KCNK10: variants seen among roughly 807,000 people sequenced by gnomAD.
KCNK10 encodes the protein potassium two pore domain channel subfamily K member 10, also known as potassium channel subfamily K member 10.
In KCNK10, 25 loss-of-function variants were observed where a neutral mutation model predicts 47.7. The ratio of observed to expected loss-of-function variants is 0.52; its 90% CI spans 0.38 to 0.73. The LOEUF (loss-of-function observed/expected upper bound fraction) is 0.73. KCNK10 is among the 30% of genes least tolerant of loss of function. KCNK10 has a pLI of 0.00. For synonymous variants in KCNK10, 303 were observed against 285.6 expected (o/e 1.06, Z -0.61); for missense variants, 563 against 714.5 (o/e 0.79, Z 2.42).
At chr14:88,273,747 A>G (rs1053713697) in intron 1 of KCNK10, among the ~76,000 whole-genome samples, 4 of 152,178 alleles carry the variant, frequency 2.6e-5, no homozygotes, top group Non-Finnish European at 5.9e-5. Context: ...GCACACAGCC[A>G]CAGCTGGGGT....
chr14:88,287,238 G>A (rs1887781580), intron 1 of KCNK10, among the ~76,000 whole-genome samples: 2 of 152,190 alleles, frequency 1.3e-5, no homozygotes, highest in Non-Finnish European at 2.9e-5. Flanking sequence ...GAAGCAGCTA[G>A]CATAGTGTTT....
intron 1 of KCNK10, among the ~76,000 whole-genome samples, chr14:88,319,402 T>C (rs1239739302): frequency 6.6e-6 from 1 of 152,174 alleles, no homozygotes; most frequent in African/African-American, 2.4e-5. Context: ...GTCCAAGTAA[T>C]GTGAACTGTC....
chr14:88,295,063 A>G (rs1887959466), intron 1 of KCNK10, among the ~76,000 whole-genome samples: 1 of 152,248 alleles, frequency 6.6e-6, no homozygotes, highest in African/African-American at 2.4e-5. Flanking sequence ...CCAAACAAGT[A>G]TTTAAGTACC....
chr14:88,321,888 C>A (rs1888554074), intron 1 of KCNK10, among the ~76,000 whole-genome samples: 1 of 152,236 alleles, frequency 6.6e-6, no homozygotes, highest in African/African-American at 2.4e-5. Flanking sequence ...CTTGTCACAA[C>A]TGGACACGCG....
chr14:88,307,960 G>A (rs1412338669), intron 1 of KCNK10, among the ~76,000 whole-genome samples: 3 of 152,082 alleles, frequency 2.0e-5, no homozygotes, highest in Admixed American at 6.5e-5. Context: ...TCCCTAGGGA[G>A]CAGGTACTTT....
chr14:88,212,285 A>G (rs1885487593), intron 4 of KCNK10, among the ~76,000 whole-genome samples: 1 of 151,836 alleles, frequency 6.6e-6, no homozygotes, highest in South Asian at 2.1e-4. Flanking sequence ...TACTAAAAAT[A>G]CAGAATTAGC....
intron 2 of KCNK10, among the ~76,000 whole-genome samples, chr14:88,244,599 T>C (rs55814143): frequency 0.2 from 30,922 of 151,034 alleles, 3,465 homozygotes; most frequent in East Asian, 0.41. Context: ...ACCTGGGAGG[T>C]GGAGCTTGCA....
chr14:88,268,026 G>GGATTTTATTAGGGGGAAC (rs1887310742), intron 1 of KCNK10, among the ~76,000 whole-genome samples: 1 of 152,160 alleles, frequency 6.6e-6, no homozygotes, highest in African/African-American at 2.4e-5. Flanking sequence ...AAATGTGCAT[G>GGATTTTATTAGGGGGAAC]GATTTTATTA....
chr14:88,313,582 A>G (rs1888370571), intron 1 of KCNK10, among the ~76,000 whole-genome samples: 1 of 152,106 alleles, frequency 6.6e-6, no homozygotes, highest in Non-Finnish European at 1.5e-5. Context: ...CCTCTCCCCA[A>G]CAACCAGCAG....
At chr14:88,220,404 G>A (rs1313087492) in intron 4 of KCNK10, among the ~76,000 whole-genome samples, 2 of 94,816 alleles carry the variant, frequency 2.1e-5, no homozygotes, top group South Asian at 4.3e-4. Context: ...GCGACAGAGC[G>A]AGACTCCGTC....
chr14:88,244,617 G>C (rs1977212), intron 2 of KCNK10, among the ~76,000 whole-genome samples: 2,627 of 151,930 alleles, frequency 0.017, 38 homozygotes, highest in Middle Eastern at 0.037. Context: ...GCAGTGAGCC[G>C]AGATCGCGCT....
chr14:88,278,053 C>G (rs1244563375), intron 1 of KCNK10, among the ~76,000 whole-genome samples: 1 of 152,160 alleles, frequency 6.6e-6, no homozygotes, highest in Non-Finnish European at 1.5e-5. Context: ...GCATCGGAGG[C>G]ACCAAGGTGA....
chr14:88,282,178 A>C (rs1887665815), intron 1 of KCNK10, among the ~76,000 whole-genome samples: 1 of 152,242 alleles, frequency 6.6e-6, no homozygotes, highest in Non-Finnish European at 1.5e-5. Context: ...AAAAACTAAT[A>C]GTTATTTACT....
rs766274629 is a variant in KCNK10 at position 88,185,753 on chromosome 14, C to T, written c.1414G>A (p.Glu472Lys). ...GTCTTGTAGATTTTCTGAACGTCCT[C>T]GGGCAAGGTCTTTTTGAGGTCCTTG... ...KNKDLKKTLP[E>K]DVQKIYKTFR... Residue 472 changes from glutamate (E) to lysine (K), a missense_variant, in exon 7 of 7, where the codon GAG becomes AAG. Transcript: ENST00000319231. This position sits in a 1 kb window ranked among gnomAD's most constrained non-coding sequence, Gnocchi z 4.3. The T allele has an allele frequency of 1.1e-5, 18 of 1,614,050 alleles. No homozygotes were observed. In the South Asian group the frequency reaches 1.2e-4, roughly 11 times the overall value.
intron 3 of KCNK10, among the ~76,000 whole-genome samples, chr14:88,229,779 G>A (rs1886104013): frequency 6.6e-6 from 1 of 152,108 alleles, no homozygotes; most frequent in South Asian, 2.1e-4. Flanking sequence ...CTGTCACTCT[G>A]GGAAAATTCC....
At chr14:88,275,645 T>A (rs370942188) in intron 1 of KCNK10, among the ~76,000 whole-genome samples, 102 of 141,954 alleles carry the variant, frequency 7.2e-4, no homozygotes, top group Admixed American at 1.2e-3. Context: ...GTCAGGAGTT[T>A]GAGACCAGCC....
chr14:88,244,588 AAC>A (rs1032547253), intron 2 of KCNK10, among the ~76,000 whole-genome samples: 1 of 152,110 alleles, frequency 6.6e-6, no homozygotes, highest in African/African-American at 2.4e-5. Context: ...GAATGGCGTG[AAC>A]CTGGGAGGTG....
chr14:88,323,600 A>T (rs1013448412), upstream of KCNK10: 1 of 150,896 alleles, frequency 6.6e-6, no homozygotes, highest in East Asian at 2.0e-4. Flanking sequence ...GGTGGCGGGG[A>T]AGCCGCGGAG....
intron 5 of KCNK10, among the ~76,000 whole-genome samples, chr14:88,188,521 T>C (rs1884646220): frequency 6.6e-6 from 1 of 152,234 alleles, no homozygotes; most frequent in Non-Finnish European, 1.5e-5. Flanking sequence ...CCCCTATGGT[T>C]TGGAATTCTT....
Sources: gnomAD v4.1 joint callset for allele counts (sites outside exome capture counted in the v4.1 genomes callset) on GRCh38, gnomAD v4.1.1 for gene constraint, Gnocchi (gnomAD v3.1) non-coding constraint, MANE v1.5 for transcripts, NCBI Gene and HGNC (gene_info 2026-07-23, HGNC 2026-07-21) for gene names.